The following CMIP variants were observed in gnomAD, a reference collection of about 807,000 sequenced individuals.
CMIP encodes the protein C-Maf-inducing protein.
CMIP carries 13 observed loss-of-function variants against 97.3 expected under a neutral mutation model. That is an observed-to-expected ratio of 0.13 (90% CI 0.09 to 0.21). The LOEUF (loss-of-function observed/expected upper bound fraction) is 0.21, where lower values mean the gene tolerates loss of function less well. Among genes scored for constraint, CMIP ranks in the 10% least tolerant of loss-of-function variants. CMIP has a pLI of 1.00. For synonymous variants in CMIP, 538 were observed against 436.3 expected (o/e 1.23, Z -2.91); for missense variants, 847 against 1,024.9 (o/e 0.83, Z 2.37).
intron 1 of CMIP, among the ~76,000 whole-genome samples, chr16:81,552,662 G>A (rs1460496381): frequency 1.3e-5 from 2 of 152,170 alleles, no homozygotes; most frequent in South Asian, 2.1e-4. Flanking sequence ...GGTCCTTAAT[G>A]GAACCACATC....
At chr16:81,609,460 C>G (rs1333365649) in intron 2 of CMIP, among the ~76,000 whole-genome samples, 1 of 152,234 alleles carries the variant, frequency 6.6e-6, no homozygotes, top group African/African-American at 2.4e-5. Context: ...ACCCCAATGA[C>G]TTTGCTGTAG....
intron 1 of CMIP, among the ~76,000 whole-genome samples, chr16:81,499,020 A>C (rs1168600641): frequency 6.6e-6 from 1 of 152,144 alleles, no homozygotes; most frequent in Non-Finnish European, 1.5e-5. Flanking sequence ...TATCAACACT[A>C]GGAGGTAGTT....
At chr16:81,553,770 T>C (rs2090707982) in intron 1 of CMIP, among the ~76,000 whole-genome samples, 1 of 144,670 alleles carries the variant, frequency 6.9e-6, no homozygotes, top group South Asian at 2.2e-4. Context: ...CCAAGATTCC[T>C]CTGTGGGGCA....
At chr16:81,479,232 G>A (rs1047120749) in intron 1 of CMIP, among the ~76,000 whole-genome samples, 7 of 152,180 alleles carry the variant, frequency 4.6e-5, no homozygotes, top group Admixed American at 2.0e-4. Flanking sequence ...TGCTCGCCTG[G>A]AAAAACTGGG....
chr16:81,530,503 GAGTC>G (rs1272504713), intron 1 of CMIP, among the ~76,000 whole-genome samples: 2 of 152,052 alleles, frequency 1.3e-5, no homozygotes, highest in Non-Finnish European at 2.9e-5. Context: ...TAGCCCGTCT[GAGTC>G]AGTGACTCAC....
chr16:81,658,929 A>G (rs578049273), intron 5 of CMIP, among the ~76,000 whole-genome samples: 8 of 152,330 alleles, frequency 5.3e-5, no homozygotes, highest in Non-Finnish European at 8.8e-5. Context: ...TGGGTACTGT[A>G]TGCACAAAAT....
At chr16:81,569,076 A>C (rs11644375) in intron 1 of CMIP, among the ~76,000 whole-genome samples, 2 of 152,064 alleles carry the variant, frequency 1.3e-5, no homozygotes, top group Admixed American at 6.5e-5. Context: ...CATTTTACGA[A>C]GAAGGCATCT....
Position 81,453,371 on chromosome 16 carries a change from G to T in CMIP, c.300+7830G>T, listed in dbSNP as rs750745146. ...AACAGCCATCTGGGTGCTTCCCTTG[G>T]GCTGGGCTGGCTGCATCCAGCTCAG... On this transcript the variant is annotated intron_variant, in intron 1 of 20. Coordinates refer to ENST00000537098, the MANE Select transcript of CMIP (RefSeq NM_198390.3). The surrounding 1 kb of genome is among the most constrained non-coding windows in gnomAD (Gnocchi z 4.0). Among the ~76,000 whole-genome samples the T allele has an allele frequency of 6.6e-5, 10 of 152,190 alleles. No homozygotes were observed. Among genetic ancestry groups the T allele is most frequent in the Non-Finnish European group, 1.3e-4 (9 of 68,036 alleles).
rs1907181393 is a variant in CMIP, at chr16:81,699,786, C to T, written c.1740C>T (p.Asn580=). 2 of 1,611,802 alleles carry T rather than the reference C, an allele frequency of 1.2e-6. No homozygotes were observed. The highest frequency in any genetic ancestry group is 4.5e-5 in the East Asian group (2 of 44,844). The change falls in exon 15 of 21, where the codon AAC becomes AAT. Residue 580 remains asparagine, a synonymous_variant. Transcript: ENST00000537098. ...GPCMLLALRG[N]QTMVEILCLM... ...GCATGCTCCTGGCACTGAGGGGGAA[C>T]CAGACCATGGTGGAGGTAAGGAGCT...
At chr16:81,516,821 C>A (rs1217635725) in intron 1 of CMIP, among the ~76,000 whole-genome samples, 1 of 152,200 alleles carries the variant, frequency 6.6e-6, no homozygotes, top group Non-Finnish European at 1.5e-5. Flanking sequence ...TAGACACATA[C>A]CCAAGTATGT....
At chr16:81,562,750 A>G (rs1185179086) in intron 1 of CMIP, among the ~76,000 whole-genome samples, 1 of 152,254 alleles carries the variant, frequency 6.6e-6, no homozygotes, top group Non-Finnish European at 1.5e-5. Flanking sequence ...CCAAGTTCAT[A>G]TCACATACCC....
intron 1 of CMIP, among the ~76,000 whole-genome samples, chr16:81,527,425 G>A (rs1011438497): frequency 2.0e-5 from 3 of 152,068 alleles, no homozygotes; most frequent in Non-Finnish European, 4.4e-5. Flanking sequence ...GGGTGTAAGG[G>A]TATTCATCCA....
At chr16:81,689,432 G>A (rs1383731697) in intron 10 of CMIP, among the ~76,000 whole-genome samples, 1 of 152,160 alleles carries the variant, frequency 6.6e-6, no homozygotes, top group Non-Finnish European at 1.5e-5. Context: ...TTTTTCATGT[G>A]TCTGTTGGCT....
chr16:81,579,347 C>G (rs961147192), intron 1 of CMIP, among the ~76,000 whole-genome samples: 4 of 152,164 alleles, frequency 2.6e-5, no homozygotes, highest in Non-Finnish European at 5.9e-5. Context: ...CTCTTTGGCC[C>G]TAGCTCTGCT....
chr16:81,672,404 G>A (rs953942353), intron 9 of CMIP, among the ~76,000 whole-genome samples: 5 of 152,146 alleles, frequency 3.3e-5, no homozygotes, highest in African/African-American at 1.2e-4. Flanking sequence ...GTGCACATGG[G>A]TATGCAAATG....
chr16:81,594,016 TCCCCCCCTTCTCCTCCTCCTC>T (rs2091508043), intron 1 of CMIP, among the ~76,000 whole-genome samples: 2 of 45,870 alleles, frequency 4.4e-5, no homozygotes, highest in Non-Finnish European at 3.9e-5. Context: ...CTCCTCTTCC[TCCCCCCCTTCTCCTCCTCCTC>T]CCCCTCCTTC....
At chr16:81,690,197 C>A (rs1244360580) in intron 10 of CMIP, among the ~76,000 whole-genome samples, 1 of 152,142 alleles carries the variant, frequency 6.6e-6, no homozygotes, top group Non-Finnish European at 1.5e-5. Flanking sequence ...TGAAGAAAGT[C>A]ATTGGTAGGT....
chr16:81,695,511 C>T (rs1906610419), intron 13 of CMIP: 1 of 152,198 alleles, frequency 6.6e-6, no homozygotes, highest in South Asian at 2.1e-4. Flanking sequence ...ATCGTCCTTT[C>T]CTAAAGGAAA....
Position 81,525,015 on chromosome 16 carries a change from C to CA in CMIP, c.300+79477dup, listed in dbSNP as rs534444975. Among the ~76,000 whole-genome samples the CA allele has an allele frequency of 2.6e-5, 4 of 152,042 alleles. No individual in the cohort carries two copies. The East Asian group carries it at 7.7e-4, about 29-fold the overall frequency. ...TACACCATGTTGGACAGGCTGTTCTCAAACTCCTAACCTCAAGTGATCCGC... is the reference window on the plus strand; with the variant it reads ...TACACCATGTTGGACAGGCTGTTCTCAAAACTCCTAACCTCAAGTGATCCGC... On this transcript the variant is annotated intron_variant, in intron 1 of 20. Transcript: ENST00000537098.
Sources: gnomAD v4.1 joint callset for allele counts (sites outside exome capture counted in the v4.1 genomes callset) on GRCh38, gnomAD v4.1.1 for gene constraint, Gnocchi (gnomAD v3.1) non-coding constraint, MANE v1.5 for transcripts, NCBI Gene and HGNC (gene_info 2026-07-23, HGNC 2026-07-21) for gene names.